Variants in POLN observed in about 807,000 individuals in gnomAD.
POLN encodes DNA polymerase nu, also known as DNA polymerase N.
In POLN, 108 loss-of-function variants were observed where a neutral mutation model predicts 113.5. The observed-to-expected ratio is 0.95, with a 90% CI of 0.81 to 1.12. POLN has a LOEUF of 1.12. Ranked by LOEUF, POLN falls within the 50% of genes most tolerant of loss-of-function variation. The pLI, the probability that POLN is intolerant of heterozygous loss-of-function variation, is 0.00. For synonymous variants in POLN, 386 were observed against 391.5 expected (o/e 0.99, Z 0.17); for missense variants, 1,097 against 1,077.1 (o/e 1.02, Z -0.26).
intron 7 of POLN, among the ~76,000 whole-genome samples, chr4:2,189,642 CA>C (rs1238000727): frequency 2.4e-4 from 32 of 134,498 alleles, no homozygotes; most frequent in African/African-American, 4.6e-4. Flanking sequence ...CCATCTCAAA[CA>C]AAAAAAAAAG....
intron 2 of POLN, chr4:2,240,383 C>T: frequency 6.2e-7 from 1 of 1,608,682 alleles, no homozygotes; most frequent in Non-Finnish European, 8.5e-7. Context: ...GTGGATTTGT[C>T]CCTTGACCTA....
At chr4:2,238,088 T>G (rs1734831884) in intron 2 of POLN, among the ~76,000 whole-genome samples, 1 of 152,224 alleles carries the variant, frequency 6.6e-6, no homozygotes, top group Non-Finnish European at 1.5e-5. Context: ...TTTGAGGTCT[T>G]AAGACTACTT....
At chr4:2,085,913 G>C (rs748260143) in intron 20 of POLN, among the ~76,000 whole-genome samples, 169 bp from the exon 21 acceptor site, 2 of 152,170 alleles carry the variant, frequency 1.3e-5, no homozygotes, top group Non-Finnish European at 2.9e-5. Context: ...AATCGGGACT[G>C]GGGCCTGTGA....
chr4:2,178,675 A>G (rs10030311), intron 8 of POLN, among the ~76,000 whole-genome samples: 37,210 of 151,170 alleles, frequency 0.25, 7,067 homozygotes, highest in African/African-American at 0.51. Flanking sequence ...TCAGTGGCAC[A>G]ATCTTGGCTT....
chr4:2,215,270 G>A (rs777334008), intron 3 of POLN, among the ~76,000 whole-genome samples: 2 of 152,164 alleles, frequency 1.3e-5, no homozygotes, highest in Non-Finnish European at 2.9e-5. Flanking sequence ...TATAGTGGTT[G>A]ACTGAAGATG....
At chr4:2,103,818 GA>G (rs987464221) in intron 19 of POLN, among the ~76,000 whole-genome samples, 2 of 152,160 alleles carry the variant, frequency 1.3e-5, no homozygotes, top group Non-Finnish European at 2.9e-5. Flanking sequence ...AGTGCTGAAA[GA>G]AAAAGCAAAC....
Position 2,156,822 on chromosome 4 carries a change from C to T in POLN, c.1697G>A (p.Gly566Glu). The T allele has an allele frequency of 6.2e-7, 1 of 1,613,242 alleles. No homozygotes were observed. Among genetic ancestry groups the T allele is most frequent in the Non-Finnish European group, 8.5e-7 (1 of 1,179,172 alleles). The change falls in exon 16 of 26, where the codon GGA becomes GAA. Residue 566 changes from glycine (G) to glutamate (E), a missense_variant. Transcript: ENST00000511885. ...GGCTGAAAGTCTTCCAGTCACAGTT[C>T]CAGTCTGATTCCATGTAGAGGAAAT... ...GSISSTWNQT[G>E]TVTGRLSAKH...
chr4:2,236,090 T>A, intron 2 of POLN: 1 of 554,510 alleles, frequency 1.8e-6, no homozygotes. Context: ...GAACAAAAAT[T>A]AGGAGATATA....
At chr4:2,238,969 G>T (rs763761695) in intron 2 of POLN, 7 of 1,587,112 alleles carry the variant, frequency 4.4e-6, no homozygotes, top group African/African-American at 2.7e-5. Context: ...TTATTTGAGT[G>T]ACCTCTTTTT....
At chr4:2,084,664 G>A (rs954875463) in intron 21 of POLN, among the ~76,000 whole-genome samples, 8 of 152,226 alleles carry the variant, frequency 5.3e-5, no homozygotes, top group Admixed American at 1.3e-4. Flanking sequence ...AGTCATCAAC[G>A]AGTCACTGGG....
At chr4:2,113,349 C>T (rs1482464068) in intron 19 of POLN, among the ~76,000 whole-genome samples, 3 of 151,552 alleles carry the variant, frequency 2.0e-5, no homozygotes, top group African/African-American at 7.3e-5. Context: ...AACAAACCTG[C>T]ACATTGTGCA....
At chr4:2,128,855 G>A (rs940355100) in intron 18 of POLN, among the ~76,000 whole-genome samples, 3 of 152,076 alleles carry the variant, frequency 2.0e-5, no homozygotes, top group African/African-American at 7.2e-5. Context: ...AGGAGTTCGA[G>A]ACCAGCCCAA....
intron 19 of POLN, among the ~76,000 whole-genome samples, chr4:2,121,689 C>T (rs992694154): frequency 6.6e-6 from 1 of 151,838 alleles, no homozygotes; most frequent in African/African-American, 2.4e-5. Context: ...ATGGATATAT[C>T]TCCTATTTCA....
chr4:2,196,259 C>T (rs931373655), intron 6 of POLN, among the ~76,000 whole-genome samples: 1 of 152,096 alleles, frequency 6.6e-6, no homozygotes, highest in Admixed American at 6.5e-5. Context: ...CTAAATCCGG[C>T]CATCCAACTG....
rs541322989 is a variant in POLN, at chr4:2,119,178, A to C, written c.1982+8935T>G. ...AGAGAAGCACTCCAAAACCATCTTA[A>C]GCAGAAGAAAAAATGAACATATTCT... On this transcript the variant is annotated intron_variant, in intron 19 of 25. Transcript: ENST00000511885. Among the ~76,000 whole-genome samples the C allele has an allele frequency of 2.6e-5, 4 of 152,378 alleles. No individual in the cohort carries two copies. The East Asian group carries it at 7.7e-4, about 29-fold the overall frequency.
chr4:2,117,517 C>T (rs1395039543), intron 19 of POLN, among the ~76,000 whole-genome samples: 2 of 152,160 alleles, frequency 1.3e-5, no homozygotes, highest in Admixed American at 6.5e-5. Context: ...CATGATGTGG[C>T]CCCTTTGATC....
At chr4:2,141,425 T>A (rs1007236213) in intron 16 of POLN, among the ~76,000 whole-genome samples, 5 of 152,116 alleles carry the variant, frequency 3.3e-5, no homozygotes, top group Non-Finnish European at 7.4e-5. Flanking sequence ...GGAGCCTACA[T>A]ACCCCCCGGC....
Position 2,179,343 on chromosome 4 carries a change from T to G in POLN, c.1144A>C (p.Asn382His). 6.2e-7 allele frequency: 1 copy of G among 1,613,418 alleles called. No individual in the cohort carries two copies. Among genetic ancestry groups the G allele is most frequent in the Non-Finnish European group, 8.5e-7 (1 of 1,179,462 alleles). ...CTTGAGGAATTTCCATATGTGCTGT[T>G]CACTTTAACTGTAATGGATTTTTCA... ...YCEKSITVKV[N>H]STYGNSSRNI... is the part of the protein sequence containing the mutation. Residue 382 changes from asparagine to histidine, a missense_variant, in exon 8 of 26, where the codon AAC becomes CAC. Transcript: ENST00000511885.
intron 20 of POLN, among the ~76,000 whole-genome samples, chr4:2,092,323 A>G (rs34237880): frequency 9.1e-4 from 139 of 152,342 alleles, no homozygotes; most frequent in African/African-American, 3.3e-3. Context: ...GGAGCCATAA[A>G]CACTCAGATC....
Sources: gnomAD v4.1 joint callset for allele counts (sites outside exome capture counted in the v4.1 genomes callset) on GRCh38, gnomAD v4.1.1 for gene constraint, MANE v1.5 for transcripts, NCBI Gene and HGNC (gene_info 2026-07-23, HGNC 2026-07-21) for gene names.